The following ARHGAP31 variants were observed in gnomAD, a reference collection of about 807,000 sequenced individuals.
ARHGAP31 encodes the protein rho GTPase-activating protein 31.
In ARHGAP31, 34 loss-of-function variants were observed where a neutral mutation model predicts 113.9. The ratio of observed to expected loss-of-function variants is 0.30; its 90% CI spans 0.23 to 0.40. The LOEUF is 0.40. ARHGAP31 is among the 10% of genes least tolerant of loss of function. The pLI is 1.00. For synonymous variants in ARHGAP31, 650 were observed against 684.8 expected (o/e 0.95, Z 0.79); for missense variants, 1,548 against 1,767.1 (o/e 0.88, Z 2.22).
intron 11 of ARHGAP31, among the ~76,000 whole-genome samples, chr3:119,410,069 T>C (rs1349667018): frequency 2.0e-5 from 3 of 152,148 alleles, no homozygotes; most frequent in Non-Finnish European, 4.4e-5. Context: ...CTTTGGAATG[T>C]AATGACATTC....
chr3:119,389,237 G>A (rs2080482454), intron 6 of ARHGAP31, among the ~76,000 whole-genome samples: 1 of 152,106 alleles, frequency 6.6e-6, no homozygotes, highest in Non-Finnish European at 1.5e-5. Flanking sequence ...CACTAAGCGG[G>A]CCTTAGTCCT....
At chr3:119,389,542 A>G (rs2080485409) in intron 6 of ARHGAP31, among the ~76,000 whole-genome samples, 1 of 152,166 alleles carries the variant, frequency 6.6e-6, no homozygotes, top group Non-Finnish European at 1.5e-5. Flanking sequence ...GCTATATTTA[A>G]CAGTAGTCCT....
At chr3:119,296,398 GTTTT>G (rs2079534590) in intron 1 of ARHGAP31, among the ~76,000 whole-genome samples, 1 of 152,176 alleles carries the variant, frequency 6.6e-6, no homozygotes, top group Non-Finnish European at 1.5e-5. Context: ...CTTGGTTTGA[GTTTT>G]TTTGAGTGTG....
chr3:119,406,550 T>C (rs1056297838), intron 10 of ARHGAP31, among the ~76,000 whole-genome samples: 2 of 152,144 alleles, frequency 1.3e-5, no homozygotes, highest in African/African-American at 4.8e-5. Flanking sequence ...ACAGTGAAGT[T>C]CTATAGAGTC....
chr3:119,382,432 C>A, intron 5 of ARHGAP31, 33 bp downstream of exon 5: 2 of 1,588,242 alleles, frequency 1.3e-6, no homozygotes, highest in South Asian at 2.2e-5. Flanking sequence ...GTCACCAGCC[C>A]AGGGGGCTCA....
rs199904254 is a variant in ARHGAP31 at position 119,402,219 on chromosome 3, C to G, written c.1467C>G (p.Pro489=). The change falls in exon 10 of 12, where the codon CCC becomes CCG. Residue 489 remains proline, a synonymous_variant. Coordinates refer to ENST00000264245, the MANE Select transcript of ARHGAP31 (RefSeq NM_020754.4). ...NQRKALNISE[P]FAVSVPLRVS... Reference sequence around the variant, plus strand: ...GCAAGGCGCTGAACATCTCCGAGCCCTTTGCGGTATCTGTGCCGCTCCGCG... The same window carrying G: ...GCAAGGCGCTGAACATCTCCGAGCCGTTTGCGGTATCTGTGCCGCTCCGCG... The G allele has an allele frequency of 3.1e-6, 5 of 1,614,278 alleles. No individual in the cohort carries two copies. The highest frequency in any genetic ancestry group is 1.1e-5 in the South Asian group (1 of 91,088).
In ARHGAP31 at chr3:119,418,522, G is replaced by A. The variant is rs1264040974; in HGVS notation, c.*2258G>A. The A allele has an allele frequency of 1.3e-5, 2 of 152,116 alleles. No individual in the cohort carries two copies. The highest frequency in any genetic ancestry group is 4.8e-5 in the African/African-American group (2 of 41,396). 9.4% of individuals were successfully genotyped at this position (152,116 alleles called of 1,614,324 possible). A position where few individuals can be genotyped will look rare whatever the true frequency, so the allele number is the denominator to read the frequency against. ...CACTTTGCTTCACCATCAGAACTCT[G>A]AGCCAAATAATGAATATGTAAACTA... On this transcript the variant is annotated 3_prime_UTR_variant, in exon 12 of 12. Transcript: ENST00000264245.
At chr3:119,337,237 ACTTG>A (rs2079961680) in intron 1 of ARHGAP31, among the ~76,000 whole-genome samples, 1 of 152,090 alleles carries the variant, frequency 6.6e-6, no homozygotes, top group South Asian at 2.1e-4. Flanking sequence ...ACATCTCCAG[ACTTG>A]CTTCCTTCTG....
intron 1 of ARHGAP31, among the ~76,000 whole-genome samples, chr3:119,358,616 T>C (rs1190056088): frequency 6.6e-6 from 1 of 152,294 alleles, no homozygotes; most frequent in East Asian, 1.9e-4. Context: ...AACTGGTGAA[T>C]GAATAAACAA....
chr3:119,302,194 G>C (rs1005494251), intron 1 of ARHGAP31, among the ~76,000 whole-genome samples: 15 of 152,202 alleles, frequency 9.9e-5, no homozygotes, highest in African/African-American at 3.6e-4. Flanking sequence ...CCCCCAAGGG[G>C]CTGGCCTCAA....
intron 1 of ARHGAP31, among the ~76,000 whole-genome samples, chr3:119,311,087 T>C (rs1341599364): frequency 1.3e-5 from 2 of 152,230 alleles, no homozygotes; most frequent in Non-Finnish European, 2.9e-5. Context: ...CTGTCCGTTT[T>C]AATGCCAGTA....
intron 8 of ARHGAP31, among the ~76,000 whole-genome samples, chr3:119,394,169 A>G (rs1033907170): frequency 1.2e-4 from 19 of 152,330 alleles, no homozygotes; most frequent in African/African-American, 4.6e-4. Flanking sequence ...AGTGTGTTAT[A>G]TTAGGAGGTA....
intron 3 of ARHGAP31, among the ~76,000 whole-genome samples, chr3:119,375,534 G>A (rs551976433): frequency 6.6e-6 from 1 of 152,170 alleles, no homozygotes; most frequent in Non-Finnish European, 1.5e-5. Context: ...GCAAAGACTC[G>A]TTTCCAAATA....
Position 119,416,539 on chromosome 3 carries a change from T to G in ARHGAP31, c.*275T>G. 2 of 474,370 alleles carry G rather than the reference T, an allele frequency of 4.2e-6. No individual in the cohort carries two copies. Among genetic ancestry groups the G allele is most frequent in the South Asian group, 4.1e-5 (2 of 48,378 alleles). The allele number at this position is 474,370 out of a possible 1,614,324, so 29.4% of individuals were successfully genotyped here. A position where few individuals can be genotyped will look rare whatever the true frequency, so the allele number is the denominator to read the frequency against. On this transcript the variant is annotated 3_prime_UTR_variant, in exon 12 of 12. Transcript: ENST00000264245. ...GATGGAATGCTTGCCTCCAATGAACTTTGGAGCTTGTATGTGAGTCAGATT... is the reference window on the plus strand; with the variant it reads ...GATGGAATGCTTGCCTCCAATGAACGTTGGAGCTTGTATGTGAGTCAGATT...
In ARHGAP31 at chr3:119,402,407, G is replaced by GGA. The variant is rs781162727; in HGVS notation, c.1645+16_1645+17dup. 1.2e-6 allele frequency: 2 copies of GGA among 1,611,188 alleles called. No homozygotes were observed. The highest frequency in any genetic ancestry group is 1.7e-6 in the Non-Finnish European group (2 of 1,178,342). ...GCTGAGACTTCTGCAGGTAAGTAGA[G>GGA]GAGAGAGGGTATCTTTCCGTTGCAA... is the stretch of plus-strand genomic sequence containing the variant. On this transcript the variant is annotated intron_variant, in intron 10 of 11. Coordinates refer to ENST00000264245, the MANE Select transcript of ARHGAP31 (RefSeq NM_020754.4).
Position 119,326,282 on chromosome 3 carries a change from C to T in ARHGAP31, c.100+31278C>T, listed in dbSNP as rs946222185. The stretch of plus-strand genomic sequence containing the variant: ...AAGACAAGTGGCCTACAGCGATGCT[C>T]AGATTTTTGTGTGCATTTTCAATCA... On this transcript the variant is annotated intron_variant, in intron 1 of 11. Coordinates refer to ENST00000264245, the MANE Select transcript of ARHGAP31 (RefSeq NM_020754.4). Among the ~76,000 whole-genome samples the T allele has an allele frequency of 2.6e-5, 4 of 152,248 alleles. No individual in the cohort carries two copies. The South Asian group carries it at 6.2e-4, about 24-fold the overall frequency.
At chr3:119,409,460 G>C (rs1256458927) in intron 10 of ARHGAP31, 36 bp from the exon 11 acceptor site, 2 of 1,612,756 alleles carry the variant, frequency 1.2e-6, no homozygotes, top group South Asian at 1.1e-5. Context: ...TTGAAATGAA[G>C]TCTCCTTTAA....
intron 3 of ARHGAP31, 91 bp downstream of exon 3, chr3:119,368,607 C>CA (rs1454778974): frequency 6.8e-7 from 1 of 1,478,128 alleles, no homozygotes; most frequent in African/African-American, 1.4e-5. Context: ...TAATAACACT[C>CA]ACCAGATGGT....
At chr3:119,353,673 A>T (rs2080130641) in intron 1 of ARHGAP31, among the ~76,000 whole-genome samples, 1 of 151,858 alleles carries the variant, frequency 6.6e-6, no homozygotes, top group African/African-American at 2.4e-5. Context: ...CTGTAATCCC[A>T]GCTGCTCCAG....
Sources: allele counts gnomAD v4.1 joint callset (sites outside exome capture counted in the v4.1 genomes callset), GRCh38; gene constraint gnomAD v4.1.1; transcripts MANE v1.5; gene names NCBI Gene and HGNC (gene_info 2026-07-23, HGNC 2026-07-21).